The following GLIS3 variants were observed in gnomAD, a reference collection of about 807,000 sequenced individuals.
The protein encoded by GLIS3 is zinc finger protein GLIS3.
A neutral mutation model predicts 78.6 loss-of-function variants in GLIS3; 53 were observed. That is an observed-to-expected ratio of 0.67 (90% confidence interval 0.54 to 0.85). The LOEUF (loss-of-function observed/expected upper bound fraction) is 0.85, where lower values mean the gene tolerates loss of function less well. GLIS3 is among the 40% of genes least tolerant of loss of function. The pLI, the probability that GLIS3 is intolerant of heterozygous loss-of-function variation, is 0.00. For synonymous variants in GLIS3, 684 were observed against 509.9 expected (o/e 1.34, Z -4.60); for missense variants, 1,703 against 1,231.1 (o/e 1.38, Z -5.74).
intron 8 of GLIS3, among the ~76,000 whole-genome samples, chr9:3,873,036 G>C (rs564329958): frequency 2.0e-5 from 3 of 152,114 alleles, no homozygotes; most frequent in African/African-American, 7.2e-5. Flanking sequence ...GACTGAATAA[G>C]GAAGAAATAA....
intron 2 of GLIS3, 112 bp from the exon 3 acceptor site, chr9:4,126,053 ATTTT>A: frequency 1.5e-6 from 1 of 654,532 alleles, no homozygotes; most frequent in Non-Finnish European, 2.5e-6. Context: ...TCCTCAGATC[ATTTT>A]TTTTTTTAGT....
intron 2 of GLIS3, among the ~76,000 whole-genome samples, chr9:4,132,909 C>T (rs1833084054): frequency 6.6e-6 from 1 of 152,136 alleles, no homozygotes; most frequent in South Asian, 2.1e-4. Context: ...GGTCTCTGTG[C>T]CTCAGCGTAC....
At chr9:4,228,540 T>G (rs543188327) in intron 2 of GLIS3, among the ~76,000 whole-genome samples, 1 of 152,340 alleles carries the variant, frequency 6.6e-6, no homozygotes, top group East Asian at 1.9e-4. Context: ...TAACTAAGTG[T>G]CTGGTCTCAT....
At chr9:4,053,703 C>CACAAAAAAAAAAAA (rs1401904227) in intron 4 of GLIS3, among the ~76,000 whole-genome samples, 8 of 26,640 alleles carry the variant, frequency 3.0e-4, no homozygotes, top group African/African-American at 5.5e-4. Context: ...TTTCTTTCTT[C>CACAAAAAAAAAAAA]ATAAAAAAAA....
chr9:4,436,556 G>C, the GLIS3 span, among the ~76,000 whole-genome samples: 3 of 152,080 alleles, frequency 2.0e-5, no homozygotes, highest in African/African-American at 4.8e-5. Flanking sequence ...TGTAATCCCA[G>C]CACTTTGGGA....
intron 4 of GLIS3, among the ~76,000 whole-genome samples, chr9:3,971,500 T>TGAG (rs1179629212): frequency 6.6e-6 from 1 of 152,064 alleles, no homozygotes; most frequent in Non-Finnish European, 1.5e-5. Context: ...AACAGGTTTG[T>TGAG]GAGAAGAAGA....
chr9:4,260,495 G>T (rs955242830), intron 2 of GLIS3, among the ~76,000 whole-genome samples: 1 of 151,734 alleles, frequency 6.6e-6, no homozygotes, highest in Admixed American at 6.6e-5. Flanking sequence ...TGAACTCGGG[G>T]GGCAGAGGTT....
At chr9:3,877,411 T>C (rs994579419) in intron 8 of GLIS3, among the ~76,000 whole-genome samples, 1 of 152,246 alleles carries the variant, frequency 6.6e-6, no homozygotes, top group African/African-American at 2.4e-5. Flanking sequence ...ACCTTGTGCA[T>C]AGAACTGTTT....
the GLIS3 span, among the ~76,000 whole-genome samples, chr9:4,469,277 C>G: frequency 6.6e-6 from 1 of 152,132 alleles, no homozygotes; most frequent in African/African-American, 2.4e-5. Flanking sequence ...AGCTCTGCAC[C>G]AAGCAGACCT....
Position 4,285,921 on chromosome 9 carries a change from C to G in GLIS3, c.388+117G>C, listed in dbSNP as rs568058421. The G allele has an allele frequency of 7.3e-5, 92 of 1,256,366 alleles. No individual in the cohort carries two copies. In the East Asian group the frequency reaches 1.9e-3, roughly 26 times the overall value. 77.8% of individuals were successfully genotyped at this position (1,256,366 alleles called of 1,614,324 possible). A position where few individuals can be genotyped will look rare whatever the true frequency, so the allele number is the denominator to read the frequency against. On this transcript the variant is annotated intron_variant, in intron 2 of 10. Coordinates refer to ENST00000381971, the MANE Select transcript of GLIS3 (RefSeq NM_001042413.2). Reference sequence around the variant, plus strand: ...AAGCTATATATCATTATGAGACCATCATCTTTGACCCTGACACTGAATCAT... The same window carrying G: ...AAGCTATATATCATTATGAGACCATGATCTTTGACCCTGACACTGAATCAT...
At chr9:4,110,285 A>T (rs767903410) in intron 4 of GLIS3, among the ~76,000 whole-genome samples, 2 of 152,200 alleles carry the variant, frequency 1.3e-5, no homozygotes, top group Non-Finnish European at 2.9e-5. Flanking sequence ...CCTAATTTGA[A>T]AAATAAAGTA....
the GLIS3 span, among the ~76,000 whole-genome samples, chr9:4,442,513 G>A: frequency 6.6e-6 from 1 of 151,938 alleles, no homozygotes; most frequent in East Asian, 1.9e-4. Flanking sequence ...AGATAATAAG[G>A]GAAACACTGC....
At chr9:4,346,511 A>C (rs374116675) in intron 2 of GLIS3, among the ~76,000 whole-genome samples, 1 of 152,358 alleles carries the variant, frequency 6.6e-6, no homozygotes, top group South Asian at 2.1e-4. Context: ...TCCATTATTC[A>C]TAAGTGTGGC....
At chr9:3,995,364 C>A (rs1588416752) in intron 4 of GLIS3, among the ~76,000 whole-genome samples, 1 of 152,084 alleles carries the variant, frequency 6.6e-6, no homozygotes, top group East Asian at 1.9e-4. Context: ...TGGAAGAATG[C>A]ATCTAAACCT....
At position 4,105,910 on chromosome 9, in the gene GLIS3, G is replaced by A. The variant is rs545688645; in HGVS notation, c.1710+11858C>T. Among the ~76,000 whole-genome samples, 245 of 152,284 alleles carry A rather than the reference G, an allele frequency of 1.6e-3. 1 individual carries two copies. The highest frequency in any genetic ancestry group is 5.6e-3 in the African/African-American group (234 of 41,570). On this transcript the variant is annotated intron_variant, in intron 4 of 10. Transcript: ENST00000381971. ...TAAGAAGTTAGAGTCCTCACCAGCA[G>A]TGGGTCAATTCACTAGGCTGCTGGG...
chr9:4,358,538 G>A, the GLIS3 span, among the ~76,000 whole-genome samples: 14 of 152,100 alleles, frequency 9.2e-5, no homozygotes, highest in East Asian at 3.8e-4. Flanking sequence ...GTTCCAGCAC[G>A]TTTCTAGTTG....
At chr9:3,830,425 C>G (rs981307488) in intron 9 of GLIS3, among the ~76,000 whole-genome samples, 2 of 152,182 alleles carry the variant, frequency 1.3e-5, no homozygotes, top group Non-Finnish European at 2.9e-5. Flanking sequence ...TGTGGCTCTG[C>G]TGTTAACTCT....
chr9:4,090,601 G>T (rs10814837), intron 4 of GLIS3, among the ~76,000 whole-genome samples: 40,964 of 151,998 alleles, frequency 0.27, 6,039 homozygotes, highest in East Asian at 0.48. Flanking sequence ...AACTGGAAAC[G>T]CTCAGGGTGG....
chr9:4,020,701 T>G (rs1301118130), intron 4 of GLIS3, among the ~76,000 whole-genome samples: 1 of 152,222 alleles, frequency 6.6e-6, no homozygotes, highest in Non-Finnish European at 1.5e-5. Context: ...CATTTTAGAC[T>G]TCTCCCAATT....
Sources: gnomAD v4.1 joint callset for allele counts (sites outside exome capture counted in the v4.1 genomes callset) on GRCh38, gnomAD v4.1.1 for gene constraint, MANE v1.5 for transcripts, NCBI Gene and HGNC (gene_info 2026-07-23, HGNC 2026-07-21) for gene names.